The following RSRC1 variants were observed in gnomAD, a reference collection of about 807,000 sequenced individuals.
RSRC1 encodes arginine and serine rich coiled-coil 1.
RSRC1 carries 39 observed loss-of-function variants against 49.1 expected under a neutral mutation model. That is an observed-to-expected ratio of 0.79 (90% CI 0.61 to 1.04). The LOEUF is 1.04. Among genes scored for constraint, RSRC1 ranks in the 50% least tolerant of loss-of-function variants. The probability of loss-of-function intolerance (pLI) is 0.00; values close to 1 mark genes in which losing one functional copy is unlikely to be tolerated. For synonymous variants in RSRC1, 143 were observed against 130.8 expected (o/e 1.09, Z -0.63); for missense variants, 388 against 402.4 (o/e 0.96, Z 0.31).
chr3:158,121,520 A>G (rs1366895347), intron 1 of RSRC1, among the ~76,000 whole-genome samples: 1 of 152,182 alleles, frequency 6.6e-6, no homozygotes, highest in Non-Finnish European at 1.5e-5. Flanking sequence ...TGAGTTTCAC[A>G]AGTGAAATGA....
chr3:158,301,753 TTC>T (rs1727560041), intron 5 of RSRC1, among the ~76,000 whole-genome samples: 1 of 152,204 alleles, frequency 6.6e-6, no homozygotes, highest in South Asian at 2.1e-4. Flanking sequence ...ATTTATTTGT[TTC>T]TGTTTGCATT....
At chr3:158,148,140 A>G (rs1406464862) in intron 3 of RSRC1, among the ~76,000 whole-genome samples, 2 of 152,194 alleles carry the variant, frequency 1.3e-5, no homozygotes, top group Non-Finnish European at 2.9e-5. Context: ...TATAAACCCC[A>G]GGAACTTTTT....
chr3:158,181,069 G>T (rs371349969), intron 3 of RSRC1, among the ~76,000 whole-genome samples: 3 of 152,304 alleles, frequency 2.0e-5, no homozygotes, highest in African/African-American at 7.2e-5. Context: ...CTCCCAAAGT[G>T]CTGGGATTAC....
intron 6 of RSRC1, among the ~76,000 whole-genome samples, chr3:158,444,254 A>G (rs535950744): frequency 1.1e-4 from 17 of 152,308 alleles, no homozygotes; most frequent in Admixed American, 9.8e-4. Flanking sequence ...CTGACTTCAA[A>G]CTATACTACA....
At chr3:158,393,467 A>C (rs549198196) in intron 6 of RSRC1, among the ~76,000 whole-genome samples, 49 of 152,120 alleles carry the variant, frequency 3.2e-4, no homozygotes, top group African/African-American at 1.2e-3. Context: ...CACAATCAGA[A>C]ATGACAAAGG....
intron 3 of RSRC1, among the ~76,000 whole-genome samples, chr3:158,134,235 A>G (rs760120012): frequency 7.2e-5 from 11 of 151,756 alleles, no homozygotes; most frequent in Non-Finnish European, 1.5e-4. Flanking sequence ...CTATGACTGA[A>G]GACTCTTTAA....
At chr3:158,128,651 C>T (rs1430347769) in intron 3 of RSRC1, among the ~76,000 whole-genome samples, 3 of 152,162 alleles carry the variant, frequency 2.0e-5, no homozygotes, top group Non-Finnish European at 4.4e-5. Context: ...TGATACAGTT[C>T]TAGTAACTAG....
intron 5 of RSRC1, among the ~76,000 whole-genome samples, chr3:158,350,448 C>T (rs901094652): frequency 2.6e-5 from 4 of 152,150 alleles, no homozygotes; most frequent in South Asian, 2.1e-4. Flanking sequence ...TGCTAGATTA[C>T]GGGCATGAGC....
intron 4 of RSRC1, among the ~76,000 whole-genome samples, chr3:158,266,816 C>T (rs769625062): frequency 1.3e-5 from 2 of 151,962 alleles, no homozygotes; most frequent in African/African-American, 4.8e-5. Context: ...GGTATGATCT[C>T]GGCTCCTCCA....
chr3:158,477,527 G>A (rs1738418794), intron 7 of RSRC1, among the ~76,000 whole-genome samples: 1 of 151,980 alleles, frequency 6.6e-6, no homozygotes, highest in Admixed American at 6.6e-5. Flanking sequence ...TGCATTTTTA[G>A]CAATAAAGTA....
At chr3:158,527,415 T>C (rs73154324) in intron 7 of RSRC1, among the ~76,000 whole-genome samples, 1,617 of 151,978 alleles carry the variant, frequency 0.011, 15 homozygotes, top group Non-Finnish European at 0.015. Context: ...AATCAATGCT[T>C]TTTGGTGAAT....
intron 3 of RSRC1, among the ~76,000 whole-genome samples, chr3:158,159,769 A>G (rs1013190014): frequency 2.6e-5 from 4 of 152,096 alleles, no homozygotes; most frequent in Non-Finnish European, 4.4e-5. Flanking sequence ...AAAAATTTTG[A>G]GCCTCACCTC....
chr3:158,454,890 G>A (rs1343832777), intron 6 of RSRC1, among the ~76,000 whole-genome samples: 1 of 152,020 alleles, frequency 6.6e-6, no homozygotes, highest in Non-Finnish European at 1.5e-5. Context: ...ATACTGGTAG[G>A]TTGTCATGAC....
intron 6 of RSRC1, among the ~76,000 whole-genome samples, chr3:158,456,782 T>C (rs934235369): frequency 2.0e-5 from 3 of 152,142 alleles, no homozygotes; most frequent in African/African-American, 4.8e-5. Flanking sequence ...ATATAGATCC[T>C]TGGAGTGAGA....
chr3:158,256,391 T>C (rs1724561967), intron 4 of RSRC1, among the ~76,000 whole-genome samples: 1 of 152,210 alleles, frequency 6.6e-6, no homozygotes, highest in Non-Finnish European at 1.5e-5. Context: ...GAACTAGCCT[T>C]GCATCCCAGA....
At chr3:158,271,488 G>C (rs1483026458) in intron 4 of RSRC1, among the ~76,000 whole-genome samples, 1 of 152,116 alleles carries the variant, frequency 6.6e-6, no homozygotes, top group Non-Finnish European at 1.5e-5. Flanking sequence ...ATAGACTATA[G>C]TTTAAAGATG....
chr3:158,147,552 T>G (rs921515633), intron 3 of RSRC1, among the ~76,000 whole-genome samples: 6 of 152,132 alleles, frequency 3.9e-5, no homozygotes, highest in African/African-American at 1.2e-4. Context: ...AACTTTAAAT[T>G]TATCTTTGAC....
At chr3:158,393,990 G>A (rs1167802968) in intron 6 of RSRC1, among the ~76,000 whole-genome samples, 2 of 152,064 alleles carry the variant, frequency 1.3e-5, no homozygotes, top group East Asian at 1.9e-4. Flanking sequence ...GGGATGCAAG[G>A]TTGATTCAGC....
chr3:158,490,108 A>C (rs1453187345), intron 7 of RSRC1, among the ~76,000 whole-genome samples: 1 of 152,126 alleles, frequency 6.6e-6, no homozygotes, highest in Admixed American at 6.6e-5. Flanking sequence ...TTTTTGAGAC[A>C]GAGTCTCACT....
Sources: gnomAD v4.1 joint callset for allele counts (sites outside exome capture counted in the v4.1 genomes callset) on GRCh38, gnomAD v4.1.1 for gene constraint, MANE v1.5 for transcripts, NCBI Gene and HGNC (gene_info 2026-07-23, HGNC 2026-07-21) for gene names.